Variants in CFAP69 observed in about 807,000 individuals in gnomAD.
CFAP69 encodes the protein cilia and flagella associated protein 69.
In CFAP69, 92 loss-of-function variants were observed where a neutral mutation model predicts 123.0. That is an observed-to-expected ratio of 0.75 (90% confidence interval 0.63 to 0.89). The LOEUF (loss-of-function observed/expected upper bound fraction) is 0.89. CFAP69 is among the 40% of genes least tolerant of loss of function. CFAP69 has a pLI of 0.00. For synonymous variants in CFAP69, 380 were observed against 364.3 expected (o/e 1.04, Z -0.49); for missense variants, 1,067 against 1,096.9 (o/e 0.97, Z 0.39).
At chr7:90,297,646 GA>G in intron 15 of CFAP69, 102 bp from the exon 16 acceptor site, 1 of 704,542 alleles carries the variant, frequency 1.4e-6, no homozygotes, top group South Asian at 2.0e-5. Flanking sequence ...TTAAGAAAAT[GA>G]AGAAAACATA....
At chr7:90,280,877 A>C (rs1394377036) in intron 12 of CFAP69, among the ~76,000 whole-genome samples, 1 of 152,216 alleles carries the variant, frequency 6.6e-6, no homozygotes, top group East Asian at 1.9e-4. Context: ...AGGAGGAAAA[A>C]ATGATAGGCT....
chr7:90,288,024 C>G, intron 14 of CFAP69, among the ~76,000 whole-genome samples: 1 of 151,892 alleles, frequency 6.6e-6, no homozygotes, highest in Non-Finnish European at 1.5e-5. Flanking sequence ...TTGATGCCCC[C>G]TCTTAAAATG....
chr7:90,286,044 G>A (rs1436748805), intron 13 of CFAP69, among the ~76,000 whole-genome samples: 2 of 152,186 alleles, frequency 1.3e-5, no homozygotes, highest in African/African-American at 4.8e-5. Context: ...GTGCACGCCT[G>A]TAATCCCAAC....
At chr7:90,252,632 A>G (rs959999136) in intron 1 of CFAP69, among the ~76,000 whole-genome samples, 2 of 152,184 alleles carry the variant, frequency 1.3e-5, no homozygotes, top group Admixed American at 1.3e-4. Context: ...TGATTGCACC[A>G]CTGCACTCCA....
intron 6 of CFAP69, chr7:90,270,096 A>G (rs1799737853): frequency 6.6e-6 from 1 of 152,180 alleles, no homozygotes. Flanking sequence ...TCACTATCAC[A>G]CAGTTGGTTT....
rs370247061 is a variant in CFAP69, at chr7:90,290,387, C to T, written c.1775+2035C>T. On this transcript the variant is annotated intron_variant, in intron 15 of 22. Coordinates refer to ENST00000389297, the MANE Select transcript of CFAP69 (RefSeq NM_001039706.3). Reference sequence around the variant, plus strand: ...AAATATTTCCATTTGAGTCTGAAAACCTGAGTCCCAGCTCAGCAGTCAGGC... The same window carrying T: ...AAATATTTCCATTTGAGTCTGAAAATCTGAGTCCCAGCTCAGCAGTCAGGC... Among the ~76,000 whole-genome samples, 135 of 152,268 alleles carry T rather than the reference C, an allele frequency of 8.9e-4. 1 individual carries two copies. In the Middle Eastern group the frequency reaches 0.027, roughly 31 times the overall value.
chr7:90,320,131 C>G, the CFAP69 span, among the ~76,000 whole-genome samples: 18 of 152,180 alleles, frequency 1.2e-4, no homozygotes, highest in Admixed American at 1.2e-3. Context: ...TCCAAGACTC[C>G]TACCTACCAC....
intron 15 of CFAP69, among the ~76,000 whole-genome samples, chr7:90,292,157 A>G (rs1178407860): frequency 1.6e-4 from 24 of 152,184 alleles, no homozygotes; most frequent in Admixed American, 1.6e-3. Flanking sequence ...TATTTGCCAT[A>G]TGGGCTATTT....
At chr7:90,297,919 A>G (rs1792237729) in intron 16 of CFAP69, 89 bp downstream of exon 16, 7 of 818,030 alleles carry the variant, frequency 8.6e-6, no homozygotes, top group East Asian at 5.9e-5. Context: ...GCACAAGTCT[A>G]TGAATAAATG....
chr7:90,288,352 G>A lies in CFAP69; in HGVS notation c.1775G>A (p.Trp592Ter), dbSNP rs759096613. Residue 592 changes from tryptophan (W) to a stop codon, truncating the protein, a stop_gained and splice_region_variant, in exon 15 of 23, where the codon TGG becomes TAG. Coordinates refer to ENST00000389297, the MANE Select transcript of CFAP69 (RefSeq NM_001039706.3). LOFTEE classifies it high-confidence loss of function. Reference sequence around the variant, plus strand: ...CTTTTTAGTACATTGGACAGCATTTGGTGAGTATTGCTATAATCAAATTAG... The same window carrying A: ...CTTTTTAGTACATTGGACAGCATTTAGTGAGTATTGCTATAATCAAATTAG... ...VLLFSTLDSI[W>*]CCILGCYPSE... 2 of 1,608,652 alleles carry A rather than the reference G, an allele frequency of 1.2e-6. No homozygotes were observed. Among genetic ancestry groups the A allele is most frequent in the Non-Finnish European group, 8.5e-7 (1 of 1,176,612 alleles).
At chr7:90,299,671 A>G (rs143493967) in intron 16 of CFAP69, among the ~76,000 whole-genome samples, 196 bp from the exon 17 acceptor site, 1 of 152,220 alleles carries the variant, frequency 6.6e-6, no homozygotes, top group Non-Finnish European at 1.5e-5. Flanking sequence ...TAAATCTTTT[A>G]CTTTTTATCC....
chr7:90,320,259 C>G, the CFAP69 span: 4 of 152,314 alleles, frequency 2.6e-5, no homozygotes, highest in East Asian at 7.7e-4. Context: ...TCACAAACAC[C>G]GTTTAAGTCT....
intron 1 of CFAP69, among the ~76,000 whole-genome samples, chr7:90,247,775 G>A (rs1395039097): frequency 6.6e-6 from 1 of 152,172 alleles, no homozygotes; most frequent in Non-Finnish European, 1.5e-5. Context: ...AACATGGGAG[G>A]CAGAGGTTGA....
intron 11 of CFAP69, among the ~76,000 whole-genome samples, chr7:90,278,650 C>T (rs1345600439): frequency 6.6e-6 from 1 of 152,020 alleles, no homozygotes; most frequent in Non-Finnish European, 1.5e-5. Context: ...CCAAGTAGCA[C>T]AGATTATGGT....
At chr7:90,303,933 T>A (rs1357936172) in intron 17 of CFAP69, 36 bp from the exon 18 acceptor site, 3 of 1,518,376 alleles carry the variant, frequency 2.0e-6, no homozygotes, top group Non-Finnish European at 2.7e-6. Flanking sequence ...GGTTTTTATC[T>A]GTCCCTTTTC....
At chr7:90,300,168 T>TC in intron 17 of CFAP69, 109 bp downstream of exon 17, 1 of 1,231,172 alleles carries the variant, frequency 8.1e-7, no homozygotes, top group East Asian at 3.2e-5. Flanking sequence ...TCTAAAGTTT[T>TC]TTTTTTTTTT....
intron 3 of CFAP69, among the ~76,000 whole-genome samples, chr7:90,260,684 A>C (rs148132894): frequency 7.0e-4 from 106 of 152,286 alleles, no homozygotes; most frequent in African/African-American, 2.4e-3. Flanking sequence ...GACCTGTTCC[A>C]TCTTAGGGCT....
Position 90,306,953 on chromosome 7 carries a change from G to A in CFAP69, c.2318G>A (p.Arg773Lys), listed in dbSNP as rs1321325869. The change falls in exon 20 of 23, where the codon AGA (arginine) becomes AAA (lysine). Residue 773 changes from arginine to lysine, a missense_variant. By Grantham distance (26) the Arg-to-Lys change is conservative. Coordinates refer to ENST00000389297, the MANE Select transcript of CFAP69 (RefSeq NM_001039706.3). ...GAAGAAATAAAATTAGAAAAATTAAGACCAGTCACTACAGATAAAAAAGCT... is the reference window on the plus strand; with the variant it reads ...GAAGAAATAAAATTAGAAAAATTAAAACCAGTCACTACAGATAAAAAAGCT... ...IYEEIKLEKL[R>K]PVTTDKKALE... 5.7e-6 allele frequency: 9 copies of A among 1,574,966 alleles called. No homozygotes were observed. Among genetic ancestry groups the A allele is most frequent in the Non-Finnish European group, 7.8e-6 (9 of 1,149,052 alleles).
At chr7:90,255,294 C>T in intron 1 of CFAP69, 129 bp from the exon 2 acceptor site, 1 of 613,282 alleles carries the variant, frequency 1.6e-6, no homozygotes, top group South Asian at 2.6e-5. Context: ...TTCATTCTCC[C>T]CTTACTATCG....
Sources: gnomAD v4.1 joint callset for allele counts (sites outside exome capture counted in the v4.1 genomes callset) on GRCh38, gnomAD v4.1.1 for gene constraint, MANE v1.5 for transcripts, NCBI Gene and HGNC (gene_info 2026-07-23, HGNC 2026-07-21) for gene names.